The following PCDHA6 variants were observed in gnomAD, a reference collection of about 807,000 sequenced individuals.
The protein encoded by PCDHA6 is protocadherin alpha-6.
A neutral mutation model predicts 60.3 loss-of-function variants in PCDHA6; 55 were observed. The observed-to-expected ratio is 0.91, with a 90% confidence interval of 0.73 to 1.14. The LOEUF (loss-of-function observed/expected upper bound fraction) is 1.14. PCDHA6 is among the 50% of genes most tolerant of loss of function. PCDHA6 has a pLI of 0.00. For synonymous variants in PCDHA6, 652 were observed against 557.9 expected (o/e 1.17, Z -2.38); for missense variants, 1,327 against 1,256.5 (o/e 1.06, Z -0.85).
rs1349053689 is a variant in PCDHA6 at position 140,855,989 on chromosome 5, A to C, written c.2394+25504A>C. The C allele has an allele frequency of 3.4e-6, 5 of 1,484,810 alleles. No homozygotes were observed. The African/African-American group carries it at 7.0e-5, about 21-fold the overall frequency. The allele number at this position is 1,484,810 out of a possible 1,614,324, so 92.0% of individuals were successfully genotyped here. ...TATAAGAAATAGGACAGAAAATGTCAGATCGTATGTGCGTTCTAGACCGCT... is the reference window on the plus strand; with the variant it reads ...TATAAGAAATAGGACAGAAAATGTCCGATCGTATGTGCGTTCTAGACCGCT... On this transcript the variant is annotated intron_variant, in intron 1 of 3. Transcript: ENST00000529310.
intron 1 of PCDHA6, among the ~76,000 whole-genome samples, chr5:140,902,102 GA>G (rs782818661): frequency 1.3e-5 from 2 of 151,098 alleles, no homozygotes; most frequent in Non-Finnish European, 2.9e-5. Context: ...GGAGTCTTTA[GA>G]TTTTTTTAAA....
chr5:141,010,697 C>T lies in PCDHA6; in HGVS notation c.*760C>T, dbSNP rs1163164861. The T allele has an allele frequency of 6.3e-6, 1 of 158,698 alleles. No homozygotes were observed. 9.8% of individuals were successfully genotyped at this position (158,698 alleles called of 1,614,324 possible). A position where few individuals can be genotyped will look rare whatever the true frequency, so the allele number is the denominator to read the frequency against. On this transcript the variant is annotated 3_prime_UTR_variant, in exon 4 of 4. Coordinates refer to ENST00000529310, the MANE Select transcript of PCDHA6 (RefSeq NM_018909.4). ...AACAGAAGCAGATCTGATGTGTTTCCTATACATGTCCTGTGCTCACTTTAT... is the reference window on the plus strand; with the variant it reads ...AACAGAAGCAGATCTGATGTGTTTCTTATACATGTCCTGTGCTCACTTTAT...
chr5:140,915,312 C>T (rs781796761), intron 1 of PCDHA6, among the ~76,000 whole-genome samples: 2 of 152,122 alleles, frequency 1.3e-5, no homozygotes, highest in Non-Finnish European at 2.9e-5. Flanking sequence ...TTACATACCA[C>T]AATTACAGTG....
intron 1 of PCDHA6, chr5:140,835,898 G>A (rs2150247809): frequency 6.2e-7 from 1 of 1,611,962 alleles, no homozygotes; most frequent in African/African-American, 1.3e-5. Flanking sequence ...GCGCGCTGTC[G>A]AGCTACGTGT....
intron 1 of PCDHA6, among the ~76,000 whole-genome samples, chr5:140,935,712 T>C (rs1480290454): frequency 1.3e-5 from 2 of 152,138 alleles, no homozygotes; most frequent in African/African-American, 4.8e-5. Context: ...TAAAACAAAA[T>C]ATATTTAGAG....
At chr5:140,836,491 C>G (rs2150261960) in intron 1 of PCDHA6, 33 of 1,613,882 alleles carry the variant, frequency 2.0e-5, no homozygotes, top group Admixed American at 3.3e-5. Context: ...CTGATCATCG[C>G]CATCTGCGCG....
intron 1 of PCDHA6, chr5:140,854,159 C>CTAAAA (rs2043003709): frequency 3.1e-6 from 1 of 323,772 alleles, no homozygotes; most frequent in Admixed American, 1.0e-4. Context: ...GATTCTGTCT[C>CTAAAA]AAAAAAAAAA....
At position 140,848,191 on chromosome 5, in the gene PCDHA6, G is replaced by A. The variant is rs1210714904; in HGVS notation, c.2394+17706G>A. On this transcript the variant is annotated intron_variant, in intron 1 of 3. Transcript: ENST00000529310. ...TCCAGCAAGAGAAACGGGATCTTCTGTTTCAACAATCATTACTTAAGAAAA... is the reference window on the plus strand; with the variant it reads ...TCCAGCAAGAGAAACGGGATCTTCTATTTCAACAATCATTACTTAAGAAAA... 1.3e-5 allele frequency: 4 copies of A among 297,926 alleles called. No homozygotes were observed. The East Asian group carries it at 2.5e-4, about 18-fold the overall frequency. The allele number at this position is 297,926 out of a possible 1,614,324, so 18.5% of individuals were successfully genotyped here.
At position 140,830,284 on chromosome 5, in the gene PCDHA6, G is replaced by A. The variant is rs536478075; in HGVS notation, c.2193G>A (p.Ala731=). The change falls in exon 1 of 4, where the codon GCG becomes GCA. Residue 731 remains alanine (A), a synonymous_variant. Transcript: ENST00000529310. ...GCTCGGCGCCACCCACCGAGGGCGC[G>A]TGCACGGCGGACAAGCCCACGCTGG... The part of the protein sequence containing the change: ...LRCSAPPTEG[A]CTADKPTLVC... 3.1e-6 allele frequency: 5 copies of A among 1,613,734 alleles called. No individual in the cohort carries two copies. The highest frequency in any genetic ancestry group is 1.7e-5 in the Admixed American group (1 of 59,980).
rs2098415068 is a variant in PCDHA6, at chr5:141,009,865, AAAG to A, written c.2788_2790del (p.Lys930del). The A allele has an allele frequency of 3.1e-6, 5 of 1,614,074 alleles. No homozygotes were observed. The highest frequency in any genetic ancestry group is 4.5e-5 in the East Asian group (2 of 44,872). On this transcript the variant is annotated inframe_deletion, in exon 4 of 4. Transcript: ENST00000529310. ...AGGAGGAGACCAAGAAAAAGAAGAA[AAAG>A]AAGAAGGGTAACAAGACCCAGGAGA...
At chr5:140,845,037 C>T (rs1189014695) in intron 1 of PCDHA6, among the ~76,000 whole-genome samples, 2 of 149,024 alleles carry the variant, frequency 1.3e-5, no homozygotes, top group Non-Finnish European at 3.0e-5. Flanking sequence ...ATATTTTAGC[C>T]CCCTTGTCCA....
chr5:140,903,760 C>T (rs1252310927), intron 1 of PCDHA6, among the ~76,000 whole-genome samples: 2 of 152,108 alleles, frequency 1.3e-5, no homozygotes, highest in Non-Finnish European at 2.9e-5. Flanking sequence ...TTGATTTTTG[C>T]TGAACTTTTC....
chr5:140,848,370 C>G, intron 1 of PCDHA6: 1 of 1,125,286 alleles, frequency 8.9e-7, no homozygotes, highest in Non-Finnish European at 1.3e-6. Flanking sequence ...GAAAGAGGCT[C>G]AATTCTTTTT....
chr5:140,876,560 C>T (rs2056422143), intron 1 of PCDHA6: 2 of 1,614,068 alleles, frequency 1.2e-6, no homozygotes, highest in African/African-American at 2.7e-5. Flanking sequence ...CAAGAGGATG[C>T]TCAGGTGGGT....
intron 3 of PCDHA6, among the ~76,000 whole-genome samples, chr5:141,005,648 G>A (rs1354125322): frequency 7.4e-6 from 1 of 135,988 alleles, no homozygotes; most frequent in Non-Finnish European, 1.5e-5. Flanking sequence ...CTTGCAGTGA[G>A]TCGAGATCGC....
intron 1 of PCDHA6, chr5:140,851,438 T>A (rs2042059755): frequency 1.1e-6 from 1 of 928,024 alleles, no homozygotes; most frequent in African/African-American, 1.8e-5. Flanking sequence ...AGAAAACAGT[T>A]GCTCCACTTT....
chr5:140,981,924 C>T (rs2096957761), intron 2 of PCDHA6, among the ~76,000 whole-genome samples: 1 of 151,968 alleles, frequency 6.6e-6, no homozygotes, highest in African/African-American at 2.4e-5. Flanking sequence ...TCAAGTTTCT[C>T]TAGTCTCAGG....
At chr5:140,941,624 T>A (rs2093131699) in intron 1 of PCDHA6, among the ~76,000 whole-genome samples, 1 of 151,964 alleles carries the variant, frequency 6.6e-6, no homozygotes, top group Non-Finnish European at 1.5e-5. Flanking sequence ...CCATCCTGCT[T>A]CTTAATTTCT....
intron 1 of PCDHA6, among the ~76,000 whole-genome samples, chr5:140,904,267 A>C (rs2070997540): frequency 6.6e-6 from 1 of 152,016 alleles, no homozygotes; most frequent in South Asian, 2.1e-4. Context: ...CCCACTTATG[A>C]ATGAGAACAT....
Sources: gnomAD v4.1 joint callset for allele counts (sites outside exome capture counted in the v4.1 genomes callset) on GRCh38, gnomAD v4.1.1 for gene constraint, MANE v1.5 for transcripts, NCBI Gene and HGNC (gene_info 2026-07-23, HGNC 2026-07-21) for gene names.